CDK5RAP3: variants seen among roughly 807,000 people sequenced by gnomAD.
CDK5RAP3 encodes CDK5 regulatory subunit associated protein 3, also known as CDK5 regulatory subunit-associated protein 3.
In CDK5RAP3, 58 loss-of-function variants were observed where a neutral mutation model predicts 73.3. The ratio of observed to expected loss-of-function variants is 0.79; its 90% CI spans 0.64 to 0.98. The LOEUF is 0.98. Among genes scored for constraint, CDK5RAP3 ranks in the 50% least tolerant of loss-of-function variants. CDK5RAP3 has a pLI of 0.00. For missense variants in CDK5RAP3, 525 were observed against 615.8 expected (o/e 0.85, Z 1.56); for synonymous variants, 224 against 247.5 (o/e 0.91, Z 0.89).
chr17:47,981,405 C>T, intron 13 of CDK5RAP3, 32 bp from the exon 14 acceptor site: 1 of 1,614,228 alleles, frequency 6.2e-7, no homozygotes, highest in African/African-American at 1.3e-5. Context: ...CTGAGCACCC[C>T]TGCTTCTGCC....
At chr17:47,968,768 A>C (rs1427878532), upstream of CDK5RAP3, among the ~76,000 whole-genome samples, 1 of 152,118 alleles carries the variant, frequency 6.6e-6, no homozygotes, top group Admixed American at 6.5e-5. Context: ...CACCCGCCTC[A>C]GCATCCCAAA....
Position 47,971,213 on chromosome 17 carries a change from G to T in CDK5RAP3, c.6+61G>T, listed in dbSNP as rs769576797. 7.2e-6 allele frequency: 11 copies of T among 1,528,544 alleles called. No homozygotes were observed. In the South Asian group the frequency reaches 1.2e-4, roughly 17 times the overall value. 94.7% of individuals were successfully genotyped at this position (1,528,544 alleles called of 1,614,324 possible). ...CCGCGGACCCCTAACCTGTGTCTCCGGTCTCCCTCCGGAAGCGGCTCAACC... is the reference window on the plus strand; with the variant it reads ...CCGCGGACCCCTAACCTGTGTCTCCTGTCTCCCTCCGGAAGCGGCTCAACC... On this transcript the variant is annotated intron_variant, in intron 1 of 13. Coordinates refer to ENST00000338399, the MANE Select transcript of CDK5RAP3 (RefSeq NM_176096.3).
chr17:47,970,814 G>A, upstream of CDK5RAP3: 1 of 1,429,046 alleles, frequency 7.0e-7, no homozygotes, highest in East Asian at 2.5e-5. Context: ...GCCAGGGGAA[G>A]CGGCTGCCAG....
upstream of CDK5RAP3, chr17:47,970,423 T>C: frequency 3.8e-6 from 2 of 520,330 alleles, no homozygotes; most frequent in Non-Finnish European, 6.9e-6. Flanking sequence ...CTGTTGTTGC[T>C]TGCACCCCTC....
chr17:47,975,124 G>A, intron 5 of CDK5RAP3, 35 bp from the exon 6 acceptor site: 2 of 1,613,908 alleles, frequency 1.2e-6, no homozygotes, highest in South Asian at 1.1e-5. Context: ...CTCATGTGGG[G>A]GTGTCCTGGG....
At chr17:47,969,410 A>T (rs2036220088), upstream of CDK5RAP3, among the ~76,000 whole-genome samples, 1 of 151,782 alleles carries the variant, frequency 6.6e-6, no homozygotes, top group African/African-American at 2.4e-5. Context: ...CAAAAAAATT[A>T]GCCGGGCGTG....
upstream of CDK5RAP3, chr17:47,971,020 G>A (rs1196859153): frequency 2.0e-6 from 3 of 1,517,426 alleles, no homozygotes; most frequent in Non-Finnish European, 2.7e-6. Flanking sequence ...TTGGCTGTAC[G>A]GAAGGCGGCG....
rs1043578 is a variant in CDK5RAP3, at chr17:47,981,637, A to T, written c.*135A>T. On this transcript the variant is annotated 3_prime_UTR_variant, in exon 14 of 14. Coordinates refer to ENST00000338399, the MANE Select transcript of CDK5RAP3 (RefSeq NM_176096.3). ...TGGAAAGCCACAGGAAGGAAGCGGC[A>T]CCTGATGGTGATCTTGGCACTCTCC... The T allele has an allele frequency of 6.4e-7, 1 of 1,563,042 alleles. No homozygotes were observed. The highest frequency in any genetic ancestry group is 8.6e-7 in the Non-Finnish European group (1 of 1,158,076).
In CDK5RAP3 at chr17:47,975,915, G is replaced by A. The variant is rs915791047; in HGVS notation, c.700G>A (p.Gly234Arg). 2 of 1,614,106 alleles carry A rather than the reference G, an allele frequency of 1.2e-6. No homozygotes were observed. The highest frequency in any genetic ancestry group is 1.7e-6 in the Non-Finnish European group (2 of 1,180,046). ...AATGCTGCGGTTCGTGCAGAAGCGGGGAAACTCAACGGTGTACGAGTGGAG... is the reference window on the plus strand; with the variant it reads ...AATGCTGCGGTTCGTGCAGAAGCGGAGAAACTCAACGGTGTACGAGTGGAG... ...LPMLRFVQKRGNSTVYEWRTG... is the reference protein window; with the variant it reads ...LPMLRFVQKRRNSTVYEWRTG... Residue 234 changes from glycine to arginine, a missense_variant, in exon 8 of 14, where the codon GGA becomes AGA. Transcript: ENST00000338399.
intron 2 of CDK5RAP3, 68 bp downstream of exon 2, chr17:47,971,475 T>A: frequency 7.0e-7 from 1 of 1,434,118 alleles, no homozygotes; most frequent in African/African-American, 1.4e-5. Context: ...CTGTGTCCAA[T>A]AGCCGGGAGC....
rs1031180113 is a variant in CDK5RAP3, at chr17:47,979,137, G to A, written c.1077+220G>A. 6.0e-5 allele frequency: 32 copies of A among 536,610 alleles called. No individual in the cohort carries two copies. In the Middle Eastern group the frequency reaches 1.4e-3, roughly 24 times the overall value. The allele number at this position is 536,610 out of a possible 1,614,324, so 33.2% of individuals were successfully genotyped here. Reference sequence around the variant, plus strand: ...CTACCTTAGGCACCAGAACTTGGGTGGTGAATAAGACAGTCAAAGTCCTTG... The same window carrying A: ...CTACCTTAGGCACCAGAACTTGGGTAGTGAATAAGACAGTCAAAGTCCTTG... On this transcript the variant is annotated intron_variant, in intron 11 of 13. Transcript: ENST00000338399.
intron 2 of CDK5RAP3, among the ~76,000 whole-genome samples, chr17:47,971,661 T>C (rs542336660): frequency 6.6e-6 from 1 of 152,268 alleles, no homozygotes; most frequent in Admixed American, 6.5e-5. Flanking sequence ...ACAGGATAAA[T>C]GACTCGCTTT....
chr17:47,973,862 C>G, intron 3 of CDK5RAP3, 69 bp from the exon 4 acceptor site: 1 of 1,296,956 alleles, frequency 7.7e-7, no homozygotes. Flanking sequence ...CATGAATCAG[C>G]CACCTGCAGT....
At chr17:47,978,806 A>C (rs1389455526) in intron 10 of CDK5RAP3, 23 bp from the exon 11 acceptor site, 2 of 1,589,498 alleles carry the variant, frequency 1.3e-6, no homozygotes, top group Admixed American at 3.3e-5. Flanking sequence ...ATCCTTTATC[A>C]CTTCTCTGTC....
chr17:47,974,672 C>T (rs1258140981), intron 5 of CDK5RAP3: 6 of 1,368,114 alleles, frequency 4.4e-6, no homozygotes, highest in Admixed American at 3.0e-5. Context: ...GGCCATTCGC[C>T]GTGCCTCAGC....
chr17:47,969,004 C>G (rs977153833), upstream of CDK5RAP3, among the ~76,000 whole-genome samples: 2 of 152,100 alleles, frequency 1.3e-5, no homozygotes, highest in Non-Finnish European at 2.9e-5. Flanking sequence ...AATACAGCCA[C>G]AGTATGTTGT....
At position 47,971,368 on chromosome 17, in the gene CDK5RAP3, C is replaced by G. The variant is rs1421131043; in HGVS notation, c.13C>G (p.Gln5Glu). The change falls in exon 2 of 14, where the codon CAG becomes GAG. Residue 5 changes from glutamine (Q) to glutamate (E), a missense_variant. Gln to Glu is a conservative substitution (Grantham distance 29, BLOSUM62 2). Around this residue, in one of 2 missense-constraint regions of CDK5RAP3, gnomAD observed 409 missense variants for 429.8 expected, o/e 0.95. Transcript: ENST00000338399. MEDHQHVPIDIQTSK... is the reference protein window; with the variant it reads MEDHEHVPIDIQTSK... ...TCACCGTGTTTCCCGCCAGGACCATCAGCACGTGCCCATCGACATCCAGAC... is the reference window on the plus strand; with the variant it reads ...TCACCGTGTTTCCCGCCAGGACCATGAGCACGTGCCCATCGACATCCAGAC... The G allele has an allele frequency of 6.2e-7, 1 of 1,610,604 alleles. No individual in the cohort carries two copies.
chr17:47,969,711 G>T (rs2036226783), upstream of CDK5RAP3, among the ~76,000 whole-genome samples: 1 of 152,010 alleles, frequency 6.6e-6, no homozygotes, highest in Non-Finnish European at 1.5e-5. Context: ...TCGGACCACA[G>T]ATTAGCCAGC....
At chr17:47,973,412 A>G in intron 2 of CDK5RAP3, 107 bp from the exon 3 acceptor site, 1 of 1,319,342 alleles carries the variant, frequency 7.6e-7, no homozygotes, top group Non-Finnish European at 1.0e-6. Context: ...TACTTTAACC[A>G]ATGTAAAGAA....
Sources: allele counts gnomAD v4.1 joint callset (sites outside exome capture counted in the v4.1 genomes callset), GRCh38; gene constraint gnomAD v4.1.1; regional missense constraint gnomAD v4.1.1; transcripts MANE v1.5; gene names NCBI Gene and HGNC (gene_info 2026-07-23, HGNC 2026-07-21).